The following ATG5 variants were observed in gnomAD, a reference collection of about 807,000 sequenced individuals.
ATG5 encodes the protein autophagy related 5, also known as autophagy protein 5.
Under a neutral mutation model 36.5 loss-of-function variants are expected in ATG5, and 14 were observed. That is an observed-to-expected ratio of 0.38 (90% confidence interval 0.25 to 0.60). The LOEUF is 0.60. Among genes scored for constraint, ATG5 ranks in the 20% least tolerant of loss-of-function variants. The probability of loss-of-function intolerance (pLI) is 0.60; values close to 1 mark genes in which losing one functional copy is unlikely to be tolerated. For missense variants in ATG5, 195 were observed against 326.7 expected (o/e 0.60, Z 3.11); for synonymous variants, 95 against 101.5 (o/e 0.94, Z 0.38).
At chr6:106,322,280 A>G (rs1771112184) in intron 1 of ATG5, among the ~76,000 whole-genome samples, 1 of 152,234 alleles carries the variant, frequency 6.6e-6, no homozygotes, top group Non-Finnish European at 1.5e-5. Context: ...TATAATGCAT[A>G]ATAGTTTCTT....
chr6:106,315,496 A>C (rs907783747), intron 2 of ATG5, among the ~76,000 whole-genome samples: 1 of 152,186 alleles, frequency 6.6e-6, no homozygotes, highest in Non-Finnish European at 1.5e-5. Flanking sequence ...GTGTTTGTAA[A>C]ATACATAATC....
intron 6 of ATG5, among the ~76,000 whole-genome samples, chr6:106,232,957 G>A (rs1185354236): frequency 2.0e-5 from 3 of 152,146 alleles, no homozygotes; most frequent in Non-Finnish European, 4.4e-5. Flanking sequence ...CACCCCAAGG[G>A]TTCAGGGATA....
intron 6 of ATG5, among the ~76,000 whole-genome samples, chr6:106,205,903 C>T (rs1268215163): frequency 5.9e-5 from 9 of 152,244 alleles, no homozygotes; most frequent in Non-Finnish European, 1.0e-4. Context: ...ACTCAATATA[C>T]CCCAACCAAA....
At chr6:106,281,779 T>G (rs1779888907) in intron 4 of ATG5, among the ~76,000 whole-genome samples, 1 of 152,228 alleles carries the variant, frequency 6.6e-6, no homozygotes, top group Non-Finnish European at 1.5e-5. Context: ...GATGTACAAT[T>G]TTACACTCCC....
intron 6 of ATG5, among the ~76,000 whole-genome samples, chr6:106,209,614 G>T (rs908937278): frequency 6.6e-6 from 1 of 152,124 alleles, no homozygotes; most frequent in Non-Finnish European, 1.5e-5. Flanking sequence ...TGAATATAGG[G>T]TGAATTTACA....
intron 1 of ATG5, among the ~76,000 whole-genome samples, chr6:106,324,348 A>T (rs530516475): frequency 6.6e-6 from 1 of 152,352 alleles, no homozygotes; most frequent in Admixed American, 6.5e-5. Context: ...TGCATAGGTT[A>T]TCTGCAAACA....
intron 1 of ATG5, among the ~76,000 whole-genome samples, chr6:106,321,463 A>G (rs1424099123): frequency 6.6e-6 from 1 of 150,772 alleles, no homozygotes; most frequent in Non-Finnish European, 1.5e-5. Flanking sequence ...GGTTCACGCC[A>G]TTCTCCTGCC....
rs371654024 is a variant in ATG5 at position 106,208,127 on chromosome 6, A to G, written c.574-6038T>C. On this transcript the variant is annotated intron_variant, in intron 6 of 7. Coordinates refer to ENST00000369076, the MANE Select transcript of ATG5 (RefSeq NM_004849.4). ...ATTAGATTCAAGTCCTGTTTCTGTC[A>G]TTTATTATGGAACCATGGACACAAC... is the stretch of plus-strand genomic sequence containing the variant. Among the ~76,000 whole-genome samples the G allele has an allele frequency of 3.9e-5, 6 of 152,264 alleles. No homozygotes were observed. In the South Asian group the frequency reaches 8.3e-4, roughly 21 times the overall value.
chr6:106,282,787 G>T (rs1220907836), intron 4 of ATG5, among the ~76,000 whole-genome samples: 1 of 151,906 alleles, frequency 6.6e-6, no homozygotes, highest in Non-Finnish European at 1.5e-5. Flanking sequence ...GATTTACATG[G>T]ATTGAGATTT....
chr6:106,244,506 T>G (rs1778256008), intron 6 of ATG5, among the ~76,000 whole-genome samples: 1 of 152,228 alleles, frequency 6.6e-6, no homozygotes, highest in Non-Finnish European at 1.5e-5. Flanking sequence ...TTGCCTATCT[T>G]AAGTTCACCT....
chr6:106,308,586 G>A, intron 2 of ATG5, 95 bp from the exon 3 acceptor site: 1 of 963,814 alleles, frequency 1.0e-6, no homozygotes, highest in Non-Finnish European at 1.4e-6. Context: ...AAACAGCCGT[G>A]TTCTTTGCAT....
At chr6:106,203,205 G>A (rs887558233) in intron 6 of ATG5, among the ~76,000 whole-genome samples, 31 of 152,064 alleles carry the variant, frequency 2.0e-4, no homozygotes, top group African/African-American at 6.8e-4. Context: ...GCACTACATC[G>A]TAATTTATTG....
chr6:106,251,777 A>G (rs1778601171), intron 5 of ATG5, among the ~76,000 whole-genome samples: 1 of 151,532 alleles, frequency 6.6e-6, no homozygotes, highest in South Asian at 2.1e-4. Context: ...GAAGAAAAGA[A>G]AAGGAGGAGA....
chr6:106,255,585 T>C (rs938700435), intron 5 of ATG5, among the ~76,000 whole-genome samples: 3 of 152,224 alleles, frequency 2.0e-5, no homozygotes, highest in African/African-American at 7.2e-5. Context: ...ACTGCCTTCA[T>C]TTTTAAGTAG....
intron 7 of ATG5, among the ~76,000 whole-genome samples, chr6:106,199,996 G>A (rs1368862423): frequency 6.6e-6 from 1 of 152,108 alleles, no homozygotes. Context: ...GGTAGTCAGT[G>A]GTCTCTTCCT....
intron 1 of ATG5, among the ~76,000 whole-genome samples, chr6:106,320,679 G>A (rs1771031555): frequency 1.3e-5 from 2 of 150,964 alleles, no homozygotes; most frequent in Admixed American, 1.3e-4. Context: ...CATGGTAAGT[G>A]CTAGGAAATG....
chr6:106,279,508 G>C (rs1172872231), intron 5 of ATG5, among the ~76,000 whole-genome samples, 153 bp downstream of exon 5: 1 of 152,212 alleles, frequency 6.6e-6, no homozygotes, highest in African/African-American at 2.4e-5. Context: ...GAATGTAAGG[G>C]ATGACTAAAA....
chr6:106,227,748 A>G (rs926007089), intron 6 of ATG5, among the ~76,000 whole-genome samples: 3 of 152,240 alleles, frequency 2.0e-5, no homozygotes, highest in African/African-American at 7.2e-5. Flanking sequence ...CTTGTTTGAT[A>G]ACTACACATA....
At chr6:106,208,550 A>G (rs75048679) in intron 6 of ATG5, among the ~76,000 whole-genome samples, 3,731 of 152,128 alleles carry the variant, frequency 0.025, 64 homozygotes, top group African/African-American at 0.049. Context: ...GTTTTTCTAT[A>G]TGGCAAGGAA....
Sources: allele counts gnomAD v4.1 joint callset (sites outside exome capture counted in the v4.1 genomes callset), GRCh38; gene constraint gnomAD v4.1.1; transcripts MANE v1.5; gene names NCBI Gene and HGNC (gene_info 2026-07-23, HGNC 2026-07-21).